Variants in GAB2 observed in about 807,000 individuals in gnomAD.
GAB2 encodes the protein GRB2 associated binding protein 2.
GAB2 carries 26 observed loss-of-function variants against 65.5 expected under a neutral mutation model. The ratio of observed to expected loss-of-function variants is 0.40; its 90% CI spans 0.29 to 0.55. The LOEUF (loss-of-function observed/expected upper bound fraction) is 0.55. GAB2 is among the 20% of genes least tolerant of loss of function. GAB2 has a pLI of 0.53. For synonymous variants in GAB2, 321 were observed against 329.6 expected, an observed-to-expected ratio of 0.97 and a Z score of 0.28; for missense variants, 884 against 875.8, an observed-to-expected ratio of 1.01 and a Z score of -0.12.
At chr11:78,321,757 T>A (rs1473669888) in intron 1 of GAB2, among the ~76,000 whole-genome samples, 1 of 152,118 alleles carries the variant, frequency 6.6e-6, no homozygotes, top group African/African-American at 2.4e-5. Flanking sequence ...AAAAGGCTAT[T>A]GTAACCAACA....
chr11:78,325,830 A>G lies in GAB2; in HGVS notation c.76-44929T>C, dbSNP rs1378905629. The stretch of plus-strand genomic sequence containing the variant: ...AAAATATGCCAGTAGTATTGCCACA[A>G]ATAAAAAAGAAAATTCACCAGAGTC... On this transcript the variant is annotated intron_variant, in intron 1 of 9. Coordinates refer to ENST00000361507, the MANE Select transcript of GAB2 (RefSeq NM_080491.3). Among the ~76,000 whole-genome samples, 3 of 152,220 alleles carry G rather than the reference A, an allele frequency of 2.0e-5. No individual in the cohort carries two copies. The East Asian group carries it at 5.8e-4, about 29-fold the overall frequency.
At chr11:78,300,474 G>A (rs1375048008) in intron 1 of GAB2, among the ~76,000 whole-genome samples, 1 of 150,608 alleles carries the variant, frequency 6.6e-6, no homozygotes, top group Non-Finnish European at 1.5e-5. Flanking sequence ...ATACCTAGGA[G>A]TGGAATGGAT....
At chr11:78,244,383 TTC>T (rs1007833847) in intron 3 of GAB2, among the ~76,000 whole-genome samples, 1 of 147,490 alleles carries the variant, frequency 6.8e-6, no homozygotes, top group African/African-American at 2.5e-5. Context: ...CAGAGGGAGA[TTC>T]TGTCTCAAAA....
chr11:78,388,582 C>A (rs1365906111), intron 1 of GAB2, among the ~76,000 whole-genome samples: 1 of 152,012 alleles, frequency 6.6e-6, no homozygotes, highest in African/African-American at 2.4e-5. Flanking sequence ...CCTGCCTCAG[C>A]CTCCCAAAAA....
intron 1 of GAB2, among the ~76,000 whole-genome samples, chr11:78,402,391 A>G (rs1324767244): frequency 6.6e-6 from 1 of 152,040 alleles, no homozygotes; most frequent in Non-Finnish European, 1.5e-5. Flanking sequence ...AAATTACTGA[A>G]CTAAATTATA....
chr11:78,386,015 T>C (rs1856761372), intron 1 of GAB2, among the ~76,000 whole-genome samples: 1 of 152,202 alleles, frequency 6.6e-6, no homozygotes, highest in Non-Finnish European at 1.5e-5. Context: ...TATTCAAAGC[T>C]TCCCCATCCC....
intron 3 of GAB2, among the ~76,000 whole-genome samples, chr11:78,233,444 C>A (rs1439502947): frequency 6.6e-6 from 1 of 152,144 alleles, no homozygotes; most frequent in Non-Finnish European, 1.5e-5. Flanking sequence ...GGTTACTGGA[C>A]ATTCCTATAT....
At chr11:78,323,730 A>C (rs1358029219) in intron 1 of GAB2, among the ~76,000 whole-genome samples, 4 of 146,328 alleles carry the variant, frequency 2.7e-5, no homozygotes, top group Non-Finnish European at 4.5e-5. Context: ...AGAAGCCCAC[A>C]CCTCAGCATC....
chr11:78,225,955 T>G (rs1158208807), intron 4 of GAB2, among the ~76,000 whole-genome samples: 2 of 152,220 alleles, frequency 1.3e-5, no homozygotes, highest in Admixed American at 6.5e-5. Context: ...ATACTCTCAG[T>G]GGAAAACAAG....
intron 3 of GAB2, 44 bp from the exon 4 acceptor site, chr11:78,227,095 C>T (rs758245740): frequency 7.5e-7 from 1 of 1,325,624 alleles, no homozygotes; most frequent in Non-Finnish European, 1.1e-6. Flanking sequence ...GAGACAATTA[C>T]TAGCTGTGTG....
intron 1 of GAB2, among the ~76,000 whole-genome samples, chr11:78,409,636 T>C (rs1419841447): frequency 6.6e-6 from 1 of 151,892 alleles, no homozygotes; most frequent in Admixed American, 6.6e-5. Flanking sequence ...CAGATATAAG[T>C]GAAATGAGAA....
At chr11:78,319,139 A>G (rs1446431822) in intron 1 of GAB2, among the ~76,000 whole-genome samples, 1 of 152,190 alleles carries the variant, frequency 6.6e-6, no homozygotes, top group Non-Finnish European at 1.5e-5. Flanking sequence ...CACCCTCAGA[A>G]GGAGCTGCAT....
intron 1 of GAB2, among the ~76,000 whole-genome samples, chr11:78,394,287 C>CAAA (rs376725831): frequency 2.0e-5 from 3 of 151,542 alleles, no homozygotes; most frequent in African/African-American, 7.3e-5. Context: ...GACTCCATCT[C>CAAA]AAAAAAAACA....
chr11:78,409,162 T>A (rs1475670568), intron 1 of GAB2, among the ~76,000 whole-genome samples: 1 of 152,210 alleles, frequency 6.6e-6, no homozygotes, highest in Non-Finnish European at 1.5e-5. Context: ...AGCCCTCAGA[T>A]ACTTGTATAA....
chr11:78,309,971 T>TGTGTGCACGC (rs1421836447), intron 1 of GAB2, among the ~76,000 whole-genome samples: 2 of 120,090 alleles, frequency 1.7e-5, no homozygotes, highest in African/African-American at 7.1e-5. Flanking sequence ...TGTGTGTGTG[T>TGTGTGCACGC]GCGCGCGCGC....
intron 1 of GAB2, among the ~76,000 whole-genome samples, chr11:78,398,305 G>A (rs115930377): frequency 1.3e-5 from 2 of 152,102 alleles, no homozygotes; most frequent in Non-Finnish European, 2.9e-5. Context: ...GAAACTCTCA[G>A]ACATGCCACC....
chr11:78,224,994 G>A, intron 5 of GAB2, 114 bp downstream of exon 5: 1 of 675,938 alleles, frequency 1.5e-6, no homozygotes, highest in Non-Finnish European at 2.6e-6. Context: ...ACTTGGGCAG[G>A]GTCCTAAGAT....
intron 1 of GAB2, among the ~76,000 whole-genome samples, chr11:78,328,712 T>G (rs912943097): frequency 1.9e-4 from 23 of 123,612 alleles, no homozygotes; most frequent in African/African-American, 7.0e-4. Context: ...TATGAGATTC[T>G]AAAACAGGCA....
chr11:78,415,075 T>C (rs1046451472), intron 1 of GAB2, among the ~76,000 whole-genome samples: 1 of 152,184 alleles, frequency 6.6e-6, no homozygotes, highest in African/African-American at 2.4e-5. Context: ...TTTCACCACA[T>C]TGGCCAGGCT....
Sources: allele counts gnomAD v4.1 joint callset (sites outside exome capture counted in the v4.1 genomes callset), GRCh38; gene constraint gnomAD v4.1.1; transcripts MANE v1.5; gene names NCBI Gene and HGNC (gene_info 2026-07-23, HGNC 2026-07-21).